GMCL1: variants seen among roughly 807,000 people sequenced by gnomAD.
The protein encoded by GMCL1 is germ cell-less 1, spermatogenesis associated, also known as germ cell-less protein-like 1.
GMCL1 carries 54 observed loss-of-function variants against 75.5 expected under a neutral mutation model. The ratio of observed to expected loss-of-function variants is 0.71; its 90% CI spans 0.57 to 0.90. GMCL1 has a LOEUF of 0.90. Ranked by LOEUF, GMCL1 falls within the 40% of genes least tolerant of loss-of-function variation. The pLI is 0.00. For synonymous variants in GMCL1, 210 were observed against 209.6 expected (o/e 1.00, Z -0.02); for missense variants, 537 against 622.7 (o/e 0.86, Z 1.47).
At chr2:69,853,990 A>G (rs1675393540) in intron 8 of GMCL1, among the ~76,000 whole-genome samples, 1 of 151,944 alleles carries the variant, frequency 6.6e-6, no homozygotes, top group African/African-American at 2.4e-5. Context: ...TTTTTAGTAG[A>G]GACAGGGTTT....
chr2:69,837,964 A>C (rs1237511531), intron 2 of GMCL1, among the ~76,000 whole-genome samples: 1 of 152,184 alleles, frequency 6.6e-6, no homozygotes, highest in East Asian at 1.9e-4. Context: ...TGGGGAAAAA[A>C]TATTTAACAT....
chr2:69,841,861 G>T (rs1216509962), intron 4 of GMCL1, among the ~76,000 whole-genome samples: 1 of 152,160 alleles, frequency 6.6e-6, no homozygotes, highest in Non-Finnish European at 1.5e-5. Context: ...CTAAGATCTA[G>T]TGATGTGAAA....
chr2:69,856,465 T>C (rs1325099681), intron 9 of GMCL1, among the ~76,000 whole-genome samples: 1 of 152,122 alleles, frequency 6.6e-6, no homozygotes, highest in Non-Finnish European at 1.5e-5. Flanking sequence ...AACTCCATTA[T>C]TTCATGGAAT....
intron 9 of GMCL1, 64 bp from the exon 10 acceptor site, chr2:69,861,214 A>T: frequency 8.5e-7 from 1 of 1,170,580 alleles, no homozygotes; most frequent in Admixed American, 2.2e-5. Flanking sequence ...TCAACTATGA[A>T]TGTTTAAATC....
At chr2:69,850,702 T>G (rs1675293688) in intron 8 of GMCL1, among the ~76,000 whole-genome samples, 1 of 152,230 alleles carries the variant, frequency 6.6e-6, no homozygotes, top group East Asian at 1.9e-4. Context: ...GCTAATAAGC[T>G]GACTCTGAAA....
chr2:69,876,020 A>G (rs1469725444), intron 13 of GMCL1, among the ~76,000 whole-genome samples: 1 of 152,194 alleles, frequency 6.6e-6, no homozygotes, highest in African/African-American at 2.4e-5. Context: ...CTAATATGAA[A>G]TGAATCATTT....
At chr2:69,851,262 C>G (rs1224773040) in intron 8 of GMCL1, among the ~76,000 whole-genome samples, 2 of 151,778 alleles carry the variant, frequency 1.3e-5, no homozygotes, top group East Asian at 3.9e-4. Flanking sequence ...CATATCAAGA[C>G]CCTGTCCCTA....
chr2:69,865,616 C>G (rs1335671525), intron 11 of GMCL1, among the ~76,000 whole-genome samples: 1 of 151,980 alleles, frequency 6.6e-6, no homozygotes, highest in East Asian at 1.9e-4. Flanking sequence ...CCACTGCACT[C>G]CAGCCTGGGC....
chr2:69,872,421 G>A (rs371483309), intron 13 of GMCL1, among the ~76,000 whole-genome samples: 1 of 152,212 alleles, frequency 6.6e-6, no homozygotes, highest in African/African-American at 2.4e-5. Flanking sequence ...AAATATTGAG[G>A]AACTTTATTT....
rs1573341659 is a variant in GMCL1, at chr2:69,837,567, C to T, written c.281C>T (p.Ser94Phe). The T allele has an allele frequency of 4.4e-6, 7 of 1,580,014 alleles. No individual in the cohort carries two copies. The highest frequency in any genetic ancestry group is 6.0e-6 in the Non-Finnish European group (7 of 1,162,716). The change falls in exon 2 of 14, where the codon TCT becomes TTT. Residue 94 changes from serine to phenylalanine, a missense_variant. Around this residue, in one of 3 missense-constraint regions of GMCL1, gnomAD observed 144 missense variants for 127.2 expected, o/e 1.13. Transcript: ENST00000282570. The part of the protein sequence containing the change: ...TPRRKKLKST[S>F]KYIYQTLFLN... ...AACAGGAAAAAATTAAAGAGTACAT[C>T]TAAATATATTTATCAAACATTATTT...
In GMCL1 at chr2:69,869,781, A is replaced by T. The variant is rs775197756; in HGVS notation, c.1281A>T (p.Arg427=). 6.2e-7 allele frequency: 1 copy of T among 1,613,924 alleles called. No individual in the cohort carries two copies. The highest frequency in any genetic ancestry group is 1.7e-5 in the Admixed American group (1 of 59,972). Residue 427 remains arginine (R), a synonymous_variant, in exon 12 of 14, where the codon CGA becomes CGT. Coordinates refer to ENST00000282570, the MANE Select transcript of GMCL1 (RefSeq NM_178439.5). ...ACCTACTTGTAACTTACACCAATCG[A>T]TACATCATTTTCAAACGCAATACAC... ...GFDLLVTYTN[R]YIIFKRNTLN...
chr2:69,867,395 A>T (rs1675851659), intron 11 of GMCL1, among the ~76,000 whole-genome samples: 1 of 151,884 alleles, frequency 6.6e-6, no homozygotes, highest in South Asian at 2.1e-4. Context: ...TGCATTATTA[A>T]TTACTACACC....
intron 13 of GMCL1, among the ~76,000 whole-genome samples, chr2:69,874,915 T>C (rs910705006): frequency 6.6e-6 from 1 of 151,988 alleles, no homozygotes; most frequent in African/African-American, 2.4e-5. Context: ...CTAACTTTTT[T>C]GTATTTTTTT....
chr2:69,835,656 CAT>C lies in GMCL1; in HGVS notation c.261-1888_261-1887del, dbSNP rs529889606. 1.4e-3 allele frequency among the ~76,000 whole-genome samples: 211 copies of C among 152,272 alleles called. 1 individual carries two copies. The highest frequency in any genetic ancestry group is 5.2e-3 in the South Asian group (25 of 4,814). On this transcript the variant is annotated intron_variant, in intron 1 of 13. Coordinates refer to ENST00000282570, the MANE Select transcript of GMCL1 (RefSeq NM_178439.5). ...AGCTTTCATGGATCACAGCACATTT[CAT>C]ATTTTAGTAATTTTCACCCCTGGTC...
intron 10 of GMCL1, among the ~76,000 whole-genome samples, chr2:69,864,535 T>C (rs532239452): frequency 2.6e-5 from 4 of 151,598 alleles, no homozygotes; most frequent in Non-Finnish European, 5.9e-5. Flanking sequence ...TCAAGTCACA[T>C]CTTATTTACA....
intron 9 of GMCL1, among the ~76,000 whole-genome samples, chr2:69,857,758 A>G (rs1241527505): frequency 2.0e-5 from 3 of 152,184 alleles, no homozygotes; most frequent in Non-Finnish European, 4.4e-5. Flanking sequence ...TTCATTATCT[A>G]CATCTAATTT....
chr2:69,849,054 T>C (rs1360163171), intron 7 of GMCL1, among the ~76,000 whole-genome samples: 1 of 152,214 alleles, frequency 6.6e-6, no homozygotes, highest in Non-Finnish European at 1.5e-5. Flanking sequence ...AATATACATA[T>C]ATATTAAACC....
rs747757754 is a variant in GMCL1, at chr2:69,843,471, G to A, written c.692+210G>A. On this transcript the variant is annotated intron_variant, in intron 5 of 13. Transcript: ENST00000282570. ...TCGTCTTTGTAAGTGACCATAGGTG[G>A]GTTATATACATGCTTATAAAAACCA... is the stretch of plus-strand genomic sequence containing the variant. Among the ~76,000 whole-genome samples, 97 of 152,236 alleles carry A rather than the reference G, an allele frequency of 6.4e-4. No individual in the cohort carries two copies. The Middle Eastern group carries it at 0.017, about 27-fold the overall frequency.
intron 1 of GMCL1, 61 bp downstream of exon 1, chr2:69,830,213 C>G (rs1040308713): frequency 1.3e-6 from 2 of 1,503,424 alleles, no homozygotes; most frequent in African/African-American, 1.4e-5. Context: ...TGGGGCCGAG[C>G]CGGCGCCTCG....
Sources: allele counts gnomAD v4.1 joint callset (sites outside exome capture counted in the v4.1 genomes callset), GRCh38; gene constraint gnomAD v4.1.1; regional missense constraint gnomAD v4.1.1; transcripts MANE v1.5; gene names NCBI Gene and HGNC (gene_info 2026-07-23, HGNC 2026-07-21).